Variants in SERINC5 observed in about 807,000 individuals in gnomAD.
The protein encoded by SERINC5 is chromosome 5 open reading frame 12.
Under a neutral mutation model 63.1 loss-of-function variants are expected in SERINC5, and 41 were observed. That is an observed-to-expected ratio of 0.65 (90% CI 0.51 to 0.84). SERINC5 has a LOEUF of 0.84. SERINC5 is among the 40% of genes least tolerant of loss of function. The pLI, the probability that SERINC5 is intolerant of heterozygous loss-of-function variation, is 0.00. For missense variants in SERINC5, 523 were observed against 573.0 expected, an observed-to-expected ratio of 0.91 and a Z score of 0.89; for synonymous variants, 222 against 215.2, an observed-to-expected ratio of 1.03 and a Z score of -0.28.
intron 5 of SERINC5, among the ~76,000 whole-genome samples, chr5:80,169,881 G>C (rs1310500085): frequency 6.6e-6 from 1 of 152,178 alleles, no homozygotes; most frequent in Non-Finnish European, 1.5e-5. Context: ...ATCAGCCGAG[G>C]TGTACTGAGC....
rs1580051293 is a variant in SERINC5, at chr5:80,141,183, C to T, written c.*2480G>A. On this transcript the variant is annotated 3_prime_UTR_variant, in exon 12 of 12. Coordinates refer to ENST00000507668, the MANE Select transcript of SERINC5 (RefSeq NM_001174072.3). ...TGTTTTGTTCATCCAGATACACGTG[C>T]TAACATTTTCAGCTGAGAATAAAAT... is the stretch of plus-strand genomic sequence containing the variant. 2.0e-6 allele frequency: 2 copies of T among 985,434 alleles called. No homozygotes were observed. The highest frequency in any genetic ancestry group is 1.2e-6 in the Non-Finnish European group (1 of 829,940). 61.0% of individuals were successfully genotyped at this position (985,434 alleles called of 1,614,324 possible).
At chr5:80,245,596 C>G (rs763304499) in intron 1 of SERINC5, among the ~76,000 whole-genome samples, 1 of 147,168 alleles carries the variant, frequency 6.8e-6, no homozygotes, top group African/African-American at 2.5e-5. Flanking sequence ...TTCTAGGCAC[C>G]CAGTGAATAT....
intron 1 of SERINC5, among the ~76,000 whole-genome samples, chr5:80,219,416 T>C (rs1750804044): frequency 6.6e-6 from 1 of 152,322 alleles, no homozygotes; most frequent in East Asian, 1.9e-4. Context: ...CTTCCCTCTT[T>C]TCACCCTTGA....
At chr5:80,168,316 C>G (rs987193585) in intron 6 of SERINC5, among the ~76,000 whole-genome samples, 2 of 152,036 alleles carry the variant, frequency 1.3e-5, no homozygotes, top group Non-Finnish European at 2.9e-5. Flanking sequence ...TGCCTCTCAG[C>G]CTCCCGGGTA....
chr5:80,187,735 T>A (rs1748905380), intron 2 of SERINC5, among the ~76,000 whole-genome samples: 1 of 152,214 alleles, frequency 6.6e-6, no homozygotes, highest in Admixed American at 6.5e-5. Flanking sequence ...TGAAAATTAA[T>A]CTCAAAAAGC....
intron 9 of SERINC5, among the ~76,000 whole-genome samples, chr5:80,150,123 T>TG (rs1746073557): frequency 6.6e-6 from 1 of 152,214 alleles, no homozygotes; most frequent in South Asian, 2.1e-4. Context: ...AGAGCAGATA[T>TG]GGTTCCTTCC....
intron 5 of SERINC5, among the ~76,000 whole-genome samples, chr5:80,174,628 G>A (rs1177065138): frequency 1.3e-5 from 2 of 151,962 alleles, no homozygotes; most frequent in Non-Finnish European, 2.9e-5. Context: ...GCAAGGCCAG[G>A]TGCGGTGGCT....
chr5:80,181,461 C>T (rs978213763), intron 2 of SERINC5, among the ~76,000 whole-genome samples: 21 of 122,056 alleles, frequency 1.7e-4, no homozygotes, highest in Non-Finnish European at 3.0e-4. Context: ...TGGTGTTTCA[C>T]CATGTTGACC....
At chr5:80,150,822 GC>G (rs1746131814) in intron 9 of SERINC5, 59 bp downstream of exon 9, 2 of 1,137,848 alleles carry the variant, frequency 1.8e-6, no homozygotes, top group Non-Finnish European at 2.7e-6. Flanking sequence ...AACACAAAAG[GC>G]CCTCCTGAGA....
At chr5:80,123,415 C>T (rs562357009) in intron 11 of SERINC5, among the ~76,000 whole-genome samples, 35 of 152,306 alleles carry the variant, frequency 2.3e-4, no homozygotes, top group Non-Finnish European at 4.1e-4. Context: ...AGCCTCCATG[C>T]CTAGCTTCCT....
chr5:80,172,506 A>G (rs952145268), intron 5 of SERINC5, among the ~76,000 whole-genome samples: 5 of 152,194 alleles, frequency 3.3e-5, no homozygotes, highest in Admixed American at 1.3e-4. Flanking sequence ...ACAAAACTGG[A>G]AAGTGTTCAA....
intron 11 of SERINC5, among the ~76,000 whole-genome samples, chr5:80,121,087 A>T (rs1281942343): frequency 6.6e-6 from 1 of 152,084 alleles, no homozygotes; most frequent in Non-Finnish European, 1.5e-5. Context: ...GGGTTTCTCC[A>T]TGTTGGTCAG....
intron 11 of SERINC5, among the ~76,000 whole-genome samples, chr5:80,131,600 G>C (rs1744952364): frequency 6.6e-6 from 1 of 152,094 alleles, no homozygotes; most frequent in Non-Finnish European, 1.5e-5. Flanking sequence ...GAACAGAGTG[G>C]GCAAAGAGGG....
chr5:80,204,905 C>T (rs924541732), intron 1 of SERINC5, among the ~76,000 whole-genome samples: 2 of 152,142 alleles, frequency 1.3e-5, no homozygotes, highest in African/African-American at 4.8e-5. Flanking sequence ...GAAAGCAGGG[C>T]CCAGCATAGA....
At chr5:80,206,811 CTTTTT>C (rs35026792) in intron 1 of SERINC5, among the ~76,000 whole-genome samples, 2 of 117,766 alleles carry the variant, frequency 1.7e-5, no homozygotes, top group East Asian at 5.2e-4. Context: ...TCACTGATTG[CTTTTT>C]TTTTTTTTTT....
At position 80,179,231 on chromosome 5, in the gene SERINC5, A is replaced by G. The variant is rs565109280; in HGVS notation, c.196-1167T>C. Among the ~76,000 whole-genome samples the G allele has an allele frequency of 1.1e-3, 167 of 152,232 alleles. 2 individuals are homozygous for G. The South Asian group carries it at 0.014, about 13-fold the overall frequency. On this transcript the variant is annotated intron_variant, in intron 2 of 11. Transcript: ENST00000507668. ...GGAGAACTGCTTGAACCTGGGAGGC[A>G]GAGGTTGCAGCGAGCCGAGATCGTG... is the stretch of plus-strand genomic sequence containing the variant.
intron 11 of SERINC5, among the ~76,000 whole-genome samples, chr5:80,114,304 C>T (rs546262602): frequency 2.0e-5 from 3 of 152,068 alleles, no homozygotes; most frequent in Admixed American, 1.3e-4. Flanking sequence ...AAGCAAGGCA[C>T]ATCTTACAAG....
intron 1 of SERINC5, among the ~76,000 whole-genome samples, chr5:80,220,886 G>A (rs1342477111): frequency 6.6e-6 from 1 of 152,150 alleles, no homozygotes; most frequent in East Asian, 1.9e-4. Context: ...AGAGGTTTGG[G>A]AGGAGCGTGG....
chr5:80,229,017 A>C (rs1309870135), intron 1 of SERINC5, among the ~76,000 whole-genome samples: 1 of 115,480 alleles, frequency 8.7e-6, no homozygotes, highest in Non-Finnish European at 1.7e-5. Context: ...AATGTTTTAC[A>C]TACCTTTTTT....
Sources: gnomAD v4.1 joint callset for allele counts (sites outside exome capture counted in the v4.1 genomes callset) on GRCh38, gnomAD v4.1.1 for gene constraint, MANE v1.5 for transcripts, NCBI Gene and HGNC (gene_info 2026-07-23, HGNC 2026-07-21) for gene names.